The following CDK14 variants were observed in gnomAD, a reference collection of about 807,000 sequenced individuals.
CDK14 encodes cyclin dependent kinase 14.
CDK14 carries 34 observed loss-of-function variants against 60.7 expected under a neutral mutation model. That is an observed-to-expected ratio of 0.56 (90% CI 0.43 to 0.75). The LOEUF (loss-of-function observed/expected upper bound fraction) is 0.75. Among genes scored for constraint, CDK14 ranks in the 30% least tolerant of loss-of-function variants. The probability of loss-of-function intolerance (pLI) is 0.00; values close to 1 mark genes in which losing one functional copy is unlikely to be tolerated. For synonymous variants in CDK14, 197 were observed against 203.7 expected, an observed-to-expected ratio of 0.97 and a Z score of 0.28; for missense variants, 482 against 564.1, an observed-to-expected ratio of 0.85 and a Z score of 1.47.
intron 14 of CDK14, among the ~76,000 whole-genome samples, chr7:91,167,154 T>G (rs1288308876): frequency 6.6e-6 from 1 of 152,236 alleles, no homozygotes; most frequent in Non-Finnish European, 1.5e-5. Context: ...TATCTATGCC[T>G]ATTTGTATTT....
At position 91,008,740 on chromosome 7, in the gene CDK14, G is replaced by A. The variant is rs75828531; in HGVS notation, c.1041+24499G>A. On this transcript the variant is annotated intron_variant, in intron 10 of 14. Transcript: ENST00000380050. ...GCTTAAGGGTTTTATATTTAAAAGA[G>A]GGTATTGAGTTAACTAAAGTGTAGA... Among the ~76,000 whole-genome samples the A allele has an allele frequency of 5.9e-3, 902 of 152,254 alleles. 12 individuals carry two copies. Among genetic ancestry groups the A allele is most frequent in the African/African-American group, 0.02 (845 of 41,542 alleles).
At chr7:90,926,519 C>T (rs755725795) in intron 8 of CDK14, among the ~76,000 whole-genome samples, 19 of 152,226 alleles carry the variant, frequency 1.2e-4, no homozygotes, top group Middle Eastern at 3.4e-3. Flanking sequence ...GTTAGGGCTC[C>T]GCAGTGCTGG....
intron 14 of CDK14, among the ~76,000 whole-genome samples, chr7:91,192,529 G>A (rs542716560): frequency 6.6e-6 from 1 of 152,186 alleles, no homozygotes; most frequent in Admixed American, 6.5e-5. Context: ...CTTCTGAGAG[G>A]GAACTTATGG....
At chr7:90,681,551 C>T (rs1801318047) in intron 2 of CDK14, among the ~76,000 whole-genome samples, 3 of 152,128 alleles carry the variant, frequency 2.0e-5, no homozygotes, top group African/African-American at 7.2e-5. Context: ...CACTGTCAAG[C>T]TGAATGTTTA....
intron 2 of CDK14, among the ~76,000 whole-genome samples, chr7:90,630,648 T>C (rs778133940): frequency 6.6e-5 from 10 of 152,224 alleles, no homozygotes; most frequent in Non-Finnish European, 1.5e-4. Context: ...AATTATTATG[T>C]ATATAACTGC....
chr7:90,625,280 A>T (rs1799853844), intron 2 of CDK14, among the ~76,000 whole-genome samples: 1 of 152,150 alleles, frequency 6.6e-6, no homozygotes, highest in Non-Finnish European at 1.5e-5. Flanking sequence ...TGCAAGGCCG[A>T]AGTGAGCTGC....
intron 2 of CDK14, among the ~76,000 whole-genome samples, chr7:90,635,615 G>A (rs899695792): frequency 6.6e-5 from 10 of 152,080 alleles, no homozygotes; most frequent in South Asian, 2.1e-4. Flanking sequence ...TTGGCAATGC[G>A]GGCTCTTTTT....
chr7:91,176,855 T>C (rs1444667490), intron 14 of CDK14, among the ~76,000 whole-genome samples: 2 of 152,126 alleles, frequency 1.3e-5, no homozygotes, highest in Non-Finnish European at 2.9e-5. Context: ...ACCAGATGGA[T>C]TCACAGCCGA....
Position 90,632,318 on chromosome 7 carries a change from C to G in CDK14, c.123+28069C>G, listed in dbSNP as rs569623925. ...CAAGATAACAAAACTGTCTCAGAGG[C>G]TGAATCAAGGATCTTTTGGTTGGGA... On this transcript the variant is annotated intron_variant, in intron 2 of 14. Coordinates refer to ENST00000380050, the MANE Select transcript of CDK14 (RefSeq NM_001287135.2). 60 of 317,964 alleles carry G rather than the reference C, an allele frequency of 1.9e-4. 1 individual carries two copies. Among genetic ancestry groups the G allele is most frequent in the South Asian group, 1.7e-3 (56 of 33,466 alleles). The allele number at this position is 317,964 out of a possible 1,614,324, so 19.7% of individuals were successfully genotyped here.
In CDK14 at chr7:91,085,300, G is replaced by C. The variant is rs1033248237; in HGVS notation, c.1154+5820G>C. Reference sequence around the variant, plus strand: ...TTGTTGGCAGAATTCAGTTCCTTGGGGGGTATGGCTGAGGTCTCACTTCCT... The same window carrying C: ...TTGTTGGCAGAATTCAGTTCCTTGGCGGGTATGGCTGAGGTCTCACTTCCT... On this transcript the variant is annotated intron_variant, in intron 12 of 14. Coordinates refer to ENST00000380050, the MANE Select transcript of CDK14 (RefSeq NM_001287135.2). Among the ~76,000 whole-genome samples the C allele has an allele frequency of 5.3e-5, 8 of 152,152 alleles. No homozygotes were observed. The East Asian group carries it at 7.7e-4, about 15-fold the overall frequency.
chr7:91,105,765 G>C (rs1437249526), intron 12 of CDK14, among the ~76,000 whole-genome samples: 3 of 152,154 alleles, frequency 2.0e-5, no homozygotes, highest in Admixed American at 2.0e-4. Flanking sequence ...GGTATTGGGA[G>C]TTATCAGACA....
chr7:90,819,553 C>A (rs1286242928), intron 5 of CDK14, among the ~76,000 whole-genome samples: 1 of 151,310 alleles, frequency 6.6e-6, no homozygotes, highest in African/African-American at 2.4e-5. Flanking sequence ...TTACTGTAGG[C>A]CTGGTTGAGT....
chr7:90,833,307 A>G (rs1303374380), intron 5 of CDK14, among the ~76,000 whole-genome samples: 2 of 152,176 alleles, frequency 1.3e-5, no homozygotes, highest in African/African-American at 2.4e-5. Flanking sequence ...TAATTGTACA[A>G]TGTATCTGCA....
intron 2 of CDK14, among the ~76,000 whole-genome samples, chr7:90,652,074 C>T (rs1325117288): frequency 6.6e-6 from 1 of 152,048 alleles, no homozygotes; most frequent in African/African-American, 2.4e-5. Flanking sequence ...CCAGCACTTA[C>T]TTCCCCTCAT....
intron 8 of CDK14, among the ~76,000 whole-genome samples, chr7:90,930,118 GT>G (rs1002859964): frequency 1.2e-4 from 18 of 147,632 alleles, no homozygotes; most frequent in East Asian, 2.0e-4. Context: ...TTTTGGTAGT[GT>G]TTTTTTTTTC....
chr7:91,117,999 TAAA>T, intron 13 of CDK14, 63 bp from the exon 14 acceptor site: 1 of 851,498 alleles, frequency 1.2e-6, no homozygotes, highest in Non-Finnish European at 1.8e-6. Context: ...TCCATTTTTT[TAAA>T]AAAAAAACAT....
At chr7:90,763,051 A>C (rs1804388522) in intron 4 of CDK14, among the ~76,000 whole-genome samples, 1 of 152,214 alleles carries the variant, frequency 6.6e-6, no homozygotes, top group Non-Finnish European at 1.5e-5. Flanking sequence ...TCAGAAGATC[A>C]TCAAGATTAA....
intron 5 of CDK14, among the ~76,000 whole-genome samples, chr7:90,801,948 T>C (rs958660736): frequency 1.7e-4 from 26 of 152,192 alleles, no homozygotes; most frequent in African/African-American, 6.0e-4. Context: ...AGGTCCTCTG[T>C]TCCCTCCCTT....
chr7:91,038,041 A>G (rs528675759), intron 10 of CDK14, among the ~76,000 whole-genome samples: 1 of 152,282 alleles, frequency 6.6e-6, no homozygotes, highest in Non-Finnish European at 1.5e-5. Flanking sequence ...CTCTCTGTGG[A>G]CAGGGCCTTG....
Sources: allele counts gnomAD v4.1 joint callset (sites outside exome capture counted in the v4.1 genomes callset), GRCh38; gene constraint gnomAD v4.1.1; transcripts MANE v1.5; gene names NCBI Gene and HGNC (gene_info 2026-07-23, HGNC 2026-07-21).